The following PLA2G10 variants were observed in gnomAD, a reference collection of about 807,000 sequenced individuals.
The protein encoded by PLA2G10 is phospholipase A2 group X.
PLA2G10 carries 9 observed loss-of-function variants against 7.9 expected under a neutral mutation model. The observed-to-expected ratio is 1.14, with a 90% confidence interval of 0.68 to 1.98. PLA2G10 has a LOEUF of 1.98. Ranked by LOEUF, PLA2G10 falls within the 30% of genes most tolerant of loss-of-function variation. The probability of loss-of-function intolerance (pLI) is 0.00; values close to 1 mark genes in which losing one functional copy is unlikely to be tolerated. For synonymous variants in PLA2G10, 19 were observed against 27.5 expected, an observed-to-expected ratio of 0.69 and a Z score of 0.97; for missense variants, 53 against 65.4, an observed-to-expected ratio of 0.81 and a Z score of 0.66.
intron 3 of PLA2G10, among the ~76,000 whole-genome samples, chr16:14,680,205 A>G (rs1960851338): frequency 6.7e-6 from 1 of 150,336 alleles, no homozygotes; most frequent in African/African-American, 2.4e-5. Context: ...GGTTCAAGCA[A>G]TTCTCCTGCC....
intron 3 of PLA2G10, among the ~76,000 whole-genome samples, chr16:14,677,377 T>A (rs939051287): frequency 1.3e-5 from 2 of 151,124 alleles, no homozygotes; most frequent in African/African-American, 4.9e-5. Context: ...AAACTTTTCA[T>A]TTTTTTTTGA....
intron 3 of PLA2G10, among the ~76,000 whole-genome samples, chr16:14,677,331 A>G (rs191574176): frequency 2.4e-4 from 36 of 152,258 alleles, no homozygotes; most frequent in African/African-American, 8.4e-4. Flanking sequence ...AGTGACATTT[A>G]GTACATTCAC....
chr16:14,686,436 A>G (rs1961066674), intron 3 of PLA2G10, among the ~76,000 whole-genome samples: 1 of 152,072 alleles, frequency 6.6e-6, no homozygotes, highest in Non-Finnish European at 1.5e-5. Context: ...AGTTGTTTTC[A>G]TTGTTTTAGC....
chr16:14,684,087 G>C (rs181762091), intron 3 of PLA2G10, among the ~76,000 whole-genome samples: 1 of 152,032 alleles, frequency 6.6e-6, no homozygotes, highest in South Asian at 2.1e-4. Flanking sequence ...ATGGCGGGGC[G>C]TGGTGGCTCG....
intron 3 of PLA2G10, among the ~76,000 whole-genome samples, chr16:14,684,515 A>C (rs1010195168): frequency 2.6e-5 from 4 of 151,780 alleles, no homozygotes; most frequent in African/African-American, 9.7e-5. Flanking sequence ...AAAATACAAA[A>C]ATTAGCTGGG....
intron 3 of PLA2G10, among the ~76,000 whole-genome samples, chr16:14,674,382 C>A (rs1235992248): frequency 1.3e-5 from 2 of 152,042 alleles, no homozygotes; most frequent in African/African-American, 2.4e-5. Flanking sequence ...TTAGAAGAAA[C>A]AATCCTAAAA....
chr16:14,682,039 G>A (rs879532671), intron 3 of PLA2G10, among the ~76,000 whole-genome samples: 3 of 151,864 alleles, frequency 2.0e-5, no homozygotes, highest in Non-Finnish European at 2.9e-5. Context: ...TCTCTATGCT[G>A]CCAGGGTGGT....
chr16:14,688,361 C>T, intron 2 of PLA2G10, 90 bp from the exon 3 acceptor site: 1 of 371,938 alleles, frequency 2.7e-6, no homozygotes, highest in Non-Finnish European at 5.1e-6. Context: ...CTGAAGACCC[C>T]CAGGGAGGCA....
At chr16:14,676,539 C>T (rs551005164) in intron 3 of PLA2G10, among the ~76,000 whole-genome samples, 5 of 152,064 alleles carry the variant, frequency 3.3e-5, no homozygotes, top group South Asian at 2.1e-4. Flanking sequence ...ATTAGCCAGG[C>T]GTGGTGGCGC....
intron 3 of PLA2G10, among the ~76,000 whole-genome samples, chr16:14,682,504 GGCAGTGAGTT>G (rs1460544474): frequency 6.6e-6 from 1 of 152,106 alleles, no homozygotes; most frequent in African/African-American, 2.4e-5. Flanking sequence ...GAACCTGGGA[GGCAGTGAGTT>G]GCAGTGAGTT....
intron 3 of PLA2G10, among the ~76,000 whole-genome samples, chr16:14,678,007 G>A (rs2151850152): frequency 6.6e-6 from 1 of 152,294 alleles, no homozygotes; most frequent in South Asian, 2.1e-4. Flanking sequence ...CATAATATGT[G>A]CGAAAATTAG....
intron 3 of PLA2G10, among the ~76,000 whole-genome samples, chr16:14,675,459 A>AAAAT (rs1455622154): frequency 6.6e-6 from 1 of 152,140 alleles, no homozygotes; most frequent in East Asian, 1.9e-4. Context: ...CAACAAAACA[A>AAAAT]AAATAAATAA....
chr16:14,683,073 C>T (rs541668184), intron 3 of PLA2G10, among the ~76,000 whole-genome samples: 3 of 151,660 alleles, frequency 2.0e-5, no homozygotes, highest in Non-Finnish European at 4.4e-5. Context: ...CATCTCAAAA[C>T]AAAAACAAAA....
At chr16:14,686,663 G>A (rs1444031281) in intron 3 of PLA2G10, among the ~76,000 whole-genome samples, 2 of 151,998 alleles carry the variant, frequency 1.3e-5, no homozygotes, top group Non-Finnish European at 2.9e-5. Flanking sequence ...AACATACCAG[G>A]GTAATTTTGT....
intron 3 of PLA2G10, among the ~76,000 whole-genome samples, chr16:14,686,808 T>C (rs1164426255): frequency 6.6e-6 from 1 of 152,010 alleles, no homozygotes; most frequent in African/African-American, 2.4e-5. Flanking sequence ...AATGGAATCT[T>C]AAAAATAAAT....
At chr16:14,678,805 T>A (rs1733837512) in intron 3 of PLA2G10, 2 of 338,368 alleles carry the variant, frequency 5.9e-6, no homozygotes, top group Non-Finnish European at 1.2e-5. Flanking sequence ...GTCCCTCCCC[T>A]GCTCAAAACC....
At chr16:14,673,268 C>T in intron 3 of PLA2G10, among the ~76,000 whole-genome samples, 1 of 152,060 alleles carries the variant, frequency 6.6e-6, no homozygotes, top group East Asian at 1.9e-4. Context: ...GGTGATCCAC[C>T]TACCTCGGCC....
intron 3 of PLA2G10, among the ~76,000 whole-genome samples, chr16:14,684,641 G>A (rs1240396233): frequency 6.6e-6 from 1 of 152,126 alleles, no homozygotes; most frequent in Non-Finnish European, 1.5e-5. Context: ...ACTCCAGCCT[G>A]GGCGACAAAG....
Position 14,687,689 on chromosome 16 carries a change from T to A in PLA2G10, c.355+476A>T, listed in dbSNP as rs560823313. Among the ~76,000 whole-genome samples the A allele has an allele frequency of 5.3e-5, 8 of 152,124 alleles. 1 individual carries two copies. The South Asian group carries it at 1.5e-3, about 28-fold the overall frequency. The stretch of plus-strand genomic sequence containing the variant: ...CTTCATGGTTTTCTTTTTCAAGTCC[T>A]CATTGTTAAAGATCACTCACATTAG... On this transcript the variant is annotated intron_variant, in intron 3 of 3. Transcript: ENST00000438167.
Sources: allele counts gnomAD v4.1 joint callset (sites outside exome capture counted in the v4.1 genomes callset), GRCh38; gene constraint gnomAD v4.1.1; transcripts MANE v1.5; gene names NCBI Gene and HGNC (gene_info 2026-07-23, HGNC 2026-07-21).